CRLS1: variants seen among roughly 807,000 people sequenced by gnomAD.
CRLS1 encodes cardiolipin synthase (CMP-forming).
In CRLS1, 24 loss-of-function variants were observed where a neutral mutation model predicts 37.0. The ratio of observed to expected loss-of-function variants is 0.65; its 90% CI spans 0.47 to 0.91. The LOEUF (loss-of-function observed/expected upper bound fraction) is 0.91. Ranked by LOEUF, CRLS1 falls within the 40% of genes least tolerant of loss-of-function variation. The pLI is 0.00. For synonymous variants in CRLS1, 135 were observed against 159.7 expected, an observed-to-expected ratio of 0.85 and a Z score of 1.17; for missense variants, 373 against 395.8, an observed-to-expected ratio of 0.94 and a Z score of 0.49.
At chr20:6,009,942 C>T in intron 2 of CRLS1, 30 bp downstream of exon 2, 2 of 1,606,884 alleles carry the variant, frequency 1.2e-6, no homozygotes, top group Non-Finnish European at 1.7e-6. Flanking sequence ...CCAGTTTGCT[C>T]TCCTTCCAAA....
At chr20:6,026,304 TGTGA>T (rs1568626838) in intron 3 of CRLS1, 1 of 145,418 alleles carries the variant, frequency 6.9e-6, no homozygotes, top group African/African-American at 2.8e-5. Context: ...TAGCATGTGG[TGTGA>T]GTGTTTGTGT....
At chr20:6,024,176 G>A (rs978616246) in intron 3 of CRLS1, among the ~76,000 whole-genome samples, 16 of 152,016 alleles carry the variant, frequency 1.1e-4, no homozygotes, top group Admixed American at 7.9e-4. Flanking sequence ...AGCTGCTCTC[G>A]AACTCCTGGG....
chr20:6,030,016 T>A (rs1412797137), intron 3 of CRLS1, among the ~76,000 whole-genome samples: 3 of 152,160 alleles, frequency 2.0e-5, no homozygotes, highest in Non-Finnish European at 4.4e-5. Flanking sequence ...TCATAAAAGA[T>A]TTGTTTGAAA....
At chr20:6,015,614 T>A (rs1191456225) in intron 3 of CRLS1, 124 bp downstream of exon 3, 3 of 950,050 alleles carry the variant, frequency 3.2e-6, no homozygotes, top group Non-Finnish European at 4.9e-6. Flanking sequence ...TTAAACTGTT[T>A]CCCTAATTTT....
intron 3 of CRLS1, among the ~76,000 whole-genome samples, chr20:6,017,451 C>G (rs1978847658): frequency 6.6e-6 from 1 of 152,186 alleles, no homozygotes. Context: ...ACCCAGTTAT[C>G]CTAGCACTTT....
At position 6,039,758 on chromosome 20, in the gene CRLS1, AGG is replaced by A. The variant is rs1980851311; in HGVS notation, c.*2601_*2602del. The A allele has an allele frequency of 7.0e-6, 1 of 142,976 alleles. No homozygotes were observed. Among genetic ancestry groups the A allele is most frequent in the Non-Finnish European group, 1.5e-5 (1 of 64,950 alleles). 8.9% of individuals were successfully genotyped at this position (142,976 alleles called of 1,614,324 possible). A position where few individuals can be genotyped will look rare whatever the true frequency, so the allele number is the denominator to read the frequency against. On this transcript the variant is annotated 3_prime_UTR_variant, in exon 7 of 7. Transcript: ENST00000378863. ...GTTTTTTTGTTAAAAAAAAAAAAAA[AGG>A]AAATGTGAACAGAGAGAGAATGCCG...
In CRLS1 at chr20:6,006,258, G is replaced by A; in HGVS notation, c.12G>A (p.Leu4=). MLA[L]RVARGSWGAL... ...GCGGCCGCAGGGCCATGCTAGCCTTGCGCGTGGCGCGCGGCTCGTGGGGGG... is the reference window on the plus strand; with the variant it reads ...GCGGCCGCAGGGCCATGCTAGCCTTACGCGTGGCGCGCGGCTCGTGGGGGG... The change falls in exon 1 of 7, where the codon TTG becomes TTA. Residue 4 remains leucine (L), a synonymous_variant. Coordinates refer to ENST00000378863, the MANE Select transcript of CRLS1 (RefSeq NM_019095.6). 8.0e-7 allele frequency: 1 copy of A among 1,249,558 alleles called. No individual in the cohort carries two copies. The highest frequency in any genetic ancestry group is 3.2e-5 in the South Asian group (1 of 30,938). 77.4% of individuals were successfully genotyped at this position (1,249,558 alleles called of 1,614,324 possible).
At chr20:6,031,426 G>A in intron 4 of CRLS1, 56 bp downstream of exon 4, 1 of 1,338,402 alleles carries the variant, frequency 7.5e-7, no homozygotes. Flanking sequence ...TAAGGAAAAA[G>A]CAAAAAGACA....
In CRLS1 at chr20:6,006,773, C is replaced by G. The variant is rs887150264; in HGVS notation, c.306+221C>G. 4 of 985,322 alleles carry G rather than the reference C, an allele frequency of 4.1e-6. No homozygotes were observed. In the African/African-American group the frequency reaches 7.0e-5, roughly 17 times the overall value. 61.0% of individuals were successfully genotyped at this position (985,322 alleles called of 1,614,324 possible). On this transcript the variant is annotated intron_variant, in intron 1 of 6. Coordinates refer to ENST00000378863, the MANE Select transcript of CRLS1 (RefSeq NM_019095.6). ...TCTGTGGTCAAGTTAGAAATCCTCTCATCCCCCTTCTATCTGCACCCGTTG... is the reference window on the plus strand; with the variant it reads ...TCTGTGGTCAAGTTAGAAATCCTCTGATCCCCCTTCTATCTGCACCCGTTG...
intron 1 of CRLS1, among the ~76,000 whole-genome samples, chr20:6,008,259 T>A (rs2090086549): frequency 6.6e-6 from 1 of 152,178 alleles, no homozygotes; most frequent in African/African-American, 2.4e-5. Flanking sequence ...AAAGGGGTTC[T>A]AGAGAAGAGA....
rs550761263 is a variant in CRLS1 at position 6,006,456 on chromosome 20, G to C, written c.210G>C (p.Ser70=). The C allele has an allele frequency of 5.7e-6, 8 of 1,404,224 alleles. No homozygotes were observed. Among genetic ancestry groups the C allele is most frequent in the Non-Finnish European group, 6.5e-6 (7 of 1,081,022 alleles). The allele number at this position is 1,404,224 out of a possible 1,614,324, so 87.0% of individuals were successfully genotyped here. ...LPGIGQRNHC[S]GAGKAAPRPA... Reference sequence around the variant, plus strand: ...GGATCGGCCAGCGGAACCACTGTTCGGGCGCGGGGAAGGCGGCTCCCAGGC... The same window carrying C: ...GGATCGGCCAGCGGAACCACTGTTCCGGCGCGGGGAAGGCGGCTCCCAGGC... The change falls in exon 1 of 7, where the codon TCG becomes TCC. Residue 70 remains serine, a synonymous_variant. Coordinates refer to ENST00000378863, the MANE Select transcript of CRLS1 (RefSeq NM_019095.6).
At chr20:6,022,335 C>CTTTTTTTTTTTTTT (rs34621758) in intron 3 of CRLS1, among the ~76,000 whole-genome samples, 2 of 94,708 alleles carry the variant, frequency 2.1e-5, no homozygotes, top group Non-Finnish European at 2.0e-5. Flanking sequence ...TAATCCATTG[C>CTTTTTTTTTTTTTT]TTTTTTTTTT....
intron 3 of CRLS1, among the ~76,000 whole-genome samples, chr20:6,016,688 T>C (rs1208585975): frequency 1.3e-5 from 2 of 152,258 alleles, no homozygotes; most frequent in East Asian, 3.8e-4. Flanking sequence ...TTTGGAATTA[T>C]GGGTAATGTT....
At chr20:6,022,407 C>T (rs534243392) in intron 3 of CRLS1, among the ~76,000 whole-genome samples, 5 of 142,508 alleles carry the variant, frequency 3.5e-5, no homozygotes, top group East Asian at 2.1e-4. Flanking sequence ...GGTGTGATCT[C>T]GGCTCACTGC....
chr20:6,009,514 G>A (rs947717110), intron 1 of CRLS1, among the ~76,000 whole-genome samples: 4 of 151,586 alleles, frequency 2.6e-5, no homozygotes, highest in African/African-American at 7.3e-5. Flanking sequence ...GGATCCTCCC[G>A]CCTCAGCCTC....
At chr20:6,007,173 GATGTC>G in intron 1 of CRLS1, 1 of 1,320,316 alleles carries the variant, frequency 7.6e-7, no homozygotes, top group Non-Finnish European at 9.9e-7. Flanking sequence ...GAGAGCTTTT[GATGTC>G]ATGTTAGCAA....
Position 6,037,065 on chromosome 20 carries a change from C to A in CRLS1, c.822-9C>A. On this transcript the variant is annotated splice_polypyrimidine_tract_variant and intron_variant, in intron 6 of 6. Transcript: ENST00000378863. ...ACAACTACATTTTATTTCTTTTCTT[C>A]CATAAAAGGTGTTTTACAGCTTTCA... 6.3e-7 allele frequency: 1 copy of A among 1,599,280 alleles called. No individual in the cohort carries two copies.
At chr20:6,016,454 G>GGTGT (rs61011560) in intron 3 of CRLS1, among the ~76,000 whole-genome samples, 18,991 of 114,538 alleles carry the variant, frequency 0.17, 1,326 homozygotes, top group Middle Eastern at 0.33. Flanking sequence ...GGGGAATGGG[G>GGTGT]GTGTGTGTGT....
intron 3 of CRLS1, among the ~76,000 whole-genome samples, chr20:6,024,021 T>C (rs1304119840): frequency 1.3e-5 from 2 of 152,032 alleles, no homozygotes; most frequent in Non-Finnish European, 2.9e-5. Flanking sequence ...GGTGTAATTA[T>C]GCCTCACTGC....
Sources: gnomAD v4.1 joint callset for allele counts (sites outside exome capture counted in the v4.1 genomes callset) on GRCh38, gnomAD v4.1.1 for gene constraint, MANE v1.5 for transcripts, NCBI Gene and HGNC (gene_info 2026-07-23, HGNC 2026-07-21) for gene names.